SPOCK1: variants seen among roughly 807,000 people sequenced by gnomAD.
SPOCK1 encodes testican-1.
In SPOCK1, 23 loss-of-function variants were observed where a neutral mutation model predicts 55.3. The observed-to-expected ratio is 0.42, with a 90% CI of 0.30 to 0.59. SPOCK1 has a LOEUF of 0.59. Ranked by LOEUF, SPOCK1 falls within the 20% of genes least tolerant of loss-of-function variation. SPOCK1 has a pLI of 0.22. For synonymous variants in SPOCK1, 226 were observed against 221.0 expected (o/e 1.02, Z -0.20); for missense variants, 499 against 552.5 (o/e 0.90, Z 0.97).
intron 6 of SPOCK1, among the ~76,000 whole-genome samples, chr5:137,019,374 T>C (rs182754785): frequency 6.8e-4 from 104 of 152,312 alleles, no homozygotes; most frequent in African/African-American, 2.2e-3. Context: ...TATCATGTTA[T>C]ACATACAGTT....
intron 2 of SPOCK1, among the ~76,000 whole-genome samples, chr5:137,347,449 G>C (rs1750582912): frequency 6.6e-6 from 1 of 152,162 alleles, no homozygotes; most frequent in Non-Finnish European, 1.5e-5. Context: ...AGCCTCTTAG[G>C]CCGGACATGG....
At chr5:137,083,701 C>A (rs1752912761) in intron 5 of SPOCK1, among the ~76,000 whole-genome samples, 1 of 152,034 alleles carries the variant, frequency 6.6e-6, no homozygotes, top group Admixed American at 6.5e-5. Flanking sequence ...TATGGGAGAG[C>A]CGAAAACTGA....
chr5:137,279,512 T>G (rs982378356), intron 2 of SPOCK1, among the ~76,000 whole-genome samples: 1 of 152,150 alleles, frequency 6.6e-6, no homozygotes, highest in Non-Finnish European at 1.5e-5. Context: ...ATCTGGCAGG[T>G]GCACGATCAT....
chr5:137,253,908 G>C (rs1756587249), intron 3 of SPOCK1, among the ~76,000 whole-genome samples: 1 of 152,178 alleles, frequency 6.6e-6, no homozygotes, highest in South Asian at 2.1e-4. Context: ...CCCAGTTCTA[G>C]GTGTCCCACC....
intron 6 of SPOCK1, among the ~76,000 whole-genome samples, chr5:137,039,604 C>A (rs1424396100): frequency 6.6e-6 from 1 of 152,206 alleles, no homozygotes; most frequent in African/African-American, 2.4e-5. Context: ...TGCAACAGGT[C>A]CCACGCCCCC....
intron 2 of SPOCK1, among the ~76,000 whole-genome samples, chr5:137,412,181 C>T (rs958423196): frequency 1.3e-5 from 2 of 152,244 alleles, no homozygotes; most frequent in African/African-American, 2.4e-5. Flanking sequence ...ACAAGCCCCA[C>T]TCCACTCAGA....
At chr5:137,081,268 A>G (rs713584) in intron 5 of SPOCK1, among the ~76,000 whole-genome samples, 65,331 of 152,122 alleles carry the variant, frequency 0.43, 16,919 homozygotes, top group Non-Finnish European at 0.57. Context: ...GCTTACCTAC[A>G]GAGACTTCAC....
At chr5:137,088,143 C>T (rs375730161) in intron 5 of SPOCK1, among the ~76,000 whole-genome samples, 5 of 152,194 alleles carry the variant, frequency 3.3e-5, no homozygotes, top group South Asian at 2.1e-4. Flanking sequence ...GGCTCCCCTC[C>T]AGACCTTCAT....
At chr5:137,226,782 C>T (rs1467787243) in intron 3 of SPOCK1, among the ~76,000 whole-genome samples, 4 of 152,216 alleles carry the variant, frequency 2.6e-5, no homozygotes, top group Admixed American at 2.6e-4. Flanking sequence ...TGTCCTTTAT[C>T]CAGTTTAAGT....
chr5:137,423,506 G>A (rs769089934), intron 2 of SPOCK1, among the ~76,000 whole-genome samples: 4 of 152,154 alleles, frequency 2.6e-5, no homozygotes, highest in Admixed American at 6.5e-5. Flanking sequence ...CCCCAGCCTC[G>A]CTGCTGCCTT....
chr5:137,327,786 C>T (rs558512470), intron 2 of SPOCK1, among the ~76,000 whole-genome samples: 1 of 152,240 alleles, frequency 6.6e-6, no homozygotes, highest in South Asian at 2.1e-4. Context: ...AAATCATAGA[C>T]GAGTCCTGCC....
intron 3 of SPOCK1, among the ~76,000 whole-genome samples, chr5:137,264,154 G>A (rs1756802334): frequency 6.6e-6 from 1 of 152,050 alleles, no homozygotes; most frequent in Non-Finnish European, 1.5e-5. Context: ...CCAGAGCCCA[G>A]GGCTCCAAGG....
intron 3 of SPOCK1, among the ~76,000 whole-genome samples, chr5:137,229,601 TCA>T (rs1459085315): frequency 1.3e-5 from 2 of 152,150 alleles, no homozygotes; most frequent in African/African-American, 4.8e-5. Flanking sequence ...AACAGGGGGC[TCA>T]GACGAGAGAT....
In SPOCK1 at chr5:136,992,494, T is replaced by A; in HGVS notation, c.696A>T (p.Thr232=). 6.2e-7 allele frequency: 1 copy of A among 1,612,276 alleles called. No homozygotes were observed. Among genetic ancestry groups the A allele is most frequent in the Non-Finnish European group, 8.5e-7 (1 of 1,179,070 alleles). ...TTAAAATGGTCTTACTGCCTTGGGCTGTGTTGGAGCTGGTGGGCTTGATGA... is the reference window on the plus strand; with the variant it reads ...TTAAAATGGTCTTACTGCCTTGGGCAGTGTTGGAGCTGGTGGGCTTGATGA... The part of the protein sequence containing the change: ...NRVIKPTSSN[T]AQGRFDTSIL... Residue 232 remains threonine, a synonymous_variant, in exon 7 of 11, where the codon ACA becomes ACT. Transcript: ENST00000394945.
At chr5:137,074,033 T>G (rs1418139974) in intron 5 of SPOCK1, among the ~76,000 whole-genome samples, 7 of 151,992 alleles carry the variant, frequency 4.6e-5, no homozygotes, top group Non-Finnish European at 1.0e-4. Flanking sequence ...TGTGAGGCAC[T>G]GTATTAAAAA....
intron 5 of SPOCK1, among the ~76,000 whole-genome samples, chr5:137,106,882 T>G (rs1439121588): frequency 2.0e-5 from 3 of 152,128 alleles, no homozygotes; most frequent in Non-Finnish European, 4.4e-5. Context: ...TTTCCCTACC[T>G]CACATGTGAC....
chr5:137,321,711 T>TA (rs1316385942), intron 2 of SPOCK1, among the ~76,000 whole-genome samples: 6 of 151,898 alleles, frequency 4.0e-5, no homozygotes, highest in Non-Finnish European at 7.4e-5. Flanking sequence ...CTATCTCTAC[T>TA]AAAAAAATAC....
chr5:137,431,959 T>C (rs1752755547), intron 2 of SPOCK1, among the ~76,000 whole-genome samples: 1 of 152,122 alleles, frequency 6.6e-6, no homozygotes, highest in African/African-American at 2.4e-5. Flanking sequence ...TCTAGATAAA[T>C]AACTACTCAA....
intron 2 of SPOCK1, among the ~76,000 whole-genome samples, chr5:137,464,522 G>T (rs1461360807): frequency 6.9e-6 from 1 of 145,508 alleles, no homozygotes; most frequent in Non-Finnish European, 1.5e-5. Context: ...TAAATTAAGA[G>T]ACTGACAAGA....
Sources: gnomAD v4.1 joint callset for allele counts (sites outside exome capture counted in the v4.1 genomes callset) on GRCh38, gnomAD v4.1.1 for gene constraint, MANE v1.5 for transcripts, NCBI Gene and HGNC (gene_info 2026-07-23, HGNC 2026-07-21) for gene names.